The following RASGEF1C variants were observed in gnomAD, a reference collection of about 807,000 sequenced individuals.
RASGEF1C encodes the protein ras-GEF domain-containing family member 1C.
A neutral mutation model predicts 58.1 loss-of-function variants in RASGEF1C; 27 were observed. The observed-to-expected ratio is 0.46, with a 90% CI of 0.34 to 0.64. RASGEF1C has a LOEUF of 0.64. Ranked by LOEUF, RASGEF1C falls within the 30% of genes least tolerant of loss-of-function variation. The probability of loss-of-function intolerance (pLI) is 0.01; values close to 1 mark genes in which losing one functional copy is unlikely to be tolerated. For missense variants in RASGEF1C, 502 were observed against 605.1 expected (o/e 0.83, Z 1.79); for synonymous variants, 243 against 246.3 (o/e 0.99, Z 0.13).
intron 4 of RASGEF1C, among the ~76,000 whole-genome samples, chr5:180,129,953 G>A (rs1288262801): frequency 6.6e-6 from 1 of 152,228 alleles, no homozygotes; most frequent in African/African-American, 2.4e-5. Flanking sequence ...CCTGAGGGGT[G>A]GCCACGGCCT....
chr5:180,174,554 GTC>G (rs1338780724), intron 1 of RASGEF1C, among the ~76,000 whole-genome samples: 5 of 151,020 alleles, frequency 3.3e-5, no homozygotes, highest in Non-Finnish European at 5.9e-5. Context: ...GTGTGCGTGT[GTC>G]TGTGTGTGCA....
intron 6 of RASGEF1C, among the ~76,000 whole-genome samples, chr5:180,123,197 A>G (rs146126241): frequency 6.6e-5 from 10 of 152,388 alleles, no homozygotes; most frequent in African/African-American, 2.4e-4. Context: ...ACTTGATTGC[A>G]GCTAGTAACA....
Position 180,177,279 on chromosome 5 carries a change from C to T in RASGEF1C, c.-7+31749G>A, listed in dbSNP as rs1356660674. 6.6e-6 allele frequency among the ~76,000 whole-genome samples: 1 copy of T among 152,218 alleles called. No individual in the cohort carries two copies. Among genetic ancestry groups the T allele is most frequent in the Non-Finnish European group, 1.5e-5 (1 of 68,034 alleles). On this transcript the variant is annotated intron_variant, in intron 1 of 13. Coordinates refer to ENST00000361132, the MANE Select transcript of RASGEF1C (RefSeq NM_175062.4). This position sits in a 1 kb window ranked among gnomAD's most constrained non-coding sequence, Gnocchi z 5.0. ...CCAGGGGCTGCTTTCCCTTTCCGGC[C>T]CCACCTCCCCACCCAGTGAAGGGGC...
chr5:180,175,707 T>C (rs1019976860), intron 1 of RASGEF1C, among the ~76,000 whole-genome samples: 4 of 152,208 alleles, frequency 2.6e-5, no homozygotes, highest in Non-Finnish European at 5.9e-5. Context: ...CCTTTAAAAA[T>C]GTATTCAAAG....
At chr5:180,166,897 C>G (rs1485372704) in intron 1 of RASGEF1C, among the ~76,000 whole-genome samples, 1 of 152,154 alleles carries the variant, frequency 6.6e-6, no homozygotes, top group Non-Finnish European at 1.5e-5. Flanking sequence ...TACTTCTGGC[C>G]TCTATGGCTT....
intron 12 of RASGEF1C, among the ~76,000 whole-genome samples, chr5:180,105,258 C>T (rs1382486684): frequency 6.6e-6 from 1 of 152,188 alleles, no homozygotes; most frequent in Non-Finnish European, 1.5e-5. Context: ...ATCTGAACTG[C>T]CTGCATCACT....
intron 1 of RASGEF1C, among the ~76,000 whole-genome samples, chr5:180,193,465 C>G (rs535981591): frequency 6.6e-6 from 1 of 152,234 alleles, no homozygotes; most frequent in South Asian, 2.1e-4. Flanking sequence ...TGCTACAGAT[C>G]TGATTCCCCT....
intron 1 of RASGEF1C, among the ~76,000 whole-genome samples, chr5:180,178,740 C>A (rs1478154255): frequency 6.6e-6 from 1 of 152,198 alleles, no homozygotes; most frequent in Admixed American, 6.5e-5. Context: ...ACGCAGCAGA[C>A]CACGGCGCAG....
intron 1 of RASGEF1C, among the ~76,000 whole-genome samples, chr5:180,184,313 G>A (rs1435816811): frequency 6.6e-6 from 1 of 152,214 alleles, no homozygotes; most frequent in Non-Finnish European, 1.5e-5. Flanking sequence ...AGTGGCTCAT[G>A]CCTGTAATCC....
intron 12 of RASGEF1C, among the ~76,000 whole-genome samples, chr5:180,110,903 C>T (rs920098755): frequency 3.9e-5 from 6 of 152,002 alleles, no homozygotes; most frequent in African/African-American, 1.5e-4. Flanking sequence ...GCAACCTCTG[C>T]CTCCCGGGTT....
At chr5:180,190,182 C>A (rs1013788370) in intron 1 of RASGEF1C, among the ~76,000 whole-genome samples, 1 of 151,790 alleles carries the variant, frequency 6.6e-6, no homozygotes, top group Non-Finnish European at 1.5e-5. Context: ...CAGTGAGAAT[C>A]TGTCTCTACA....
intron 1 of RASGEF1C, among the ~76,000 whole-genome samples, chr5:180,175,594 C>T (rs1333201681): frequency 6.6e-6 from 1 of 152,240 alleles, no homozygotes; most frequent in African/African-American, 2.4e-5. Flanking sequence ...TGAGCAGTCC[C>T]TGTGTTGTTC....
intron 1 of RASGEF1C, among the ~76,000 whole-genome samples, chr5:180,165,750 C>CTT (rs372734323): frequency 0.2 from 21,701 of 107,208 alleles, 3,172 homozygotes; most frequent in Non-Finnish European, 0.23. Context: ...TTAATTTTTC[C>CTT]TTTTTTTTTT....
At chr5:180,103,284 A>T (rs981740406) in intron 12 of RASGEF1C, among the ~76,000 whole-genome samples, 1 of 152,128 alleles carries the variant, frequency 6.6e-6, no homozygotes, top group Non-Finnish European at 1.5e-5. Context: ...TCACCGTGTT[A>T]GCCAGGATGG....
At chr5:180,172,694 C>T (rs1767131023) in intron 1 of RASGEF1C, among the ~76,000 whole-genome samples, 1 of 152,118 alleles carries the variant, frequency 6.6e-6, no homozygotes, top group Non-Finnish European at 1.5e-5. Context: ...TTCTCTCACG[C>T]CCAGCTCCCC....
At chr5:180,105,596 G>A (rs1190699298) in intron 12 of RASGEF1C, among the ~76,000 whole-genome samples, 2 of 150,614 alleles carry the variant, frequency 1.3e-5, no homozygotes, top group South Asian at 2.1e-4. Context: ...GGCTGGGCGC[G>A]GTGGCTCACA....
intron 1 of RASGEF1C, among the ~76,000 whole-genome samples, chr5:180,183,562 C>T (rs768059060): frequency 2.0e-5 from 3 of 152,026 alleles, no homozygotes; most frequent in Non-Finnish European, 2.9e-5. Context: ...TGGTGGCTTA[C>T]ACCTGTAATC....
At chr5:180,202,340 C>T (rs910834394) in intron 1 of RASGEF1C, among the ~76,000 whole-genome samples, 1 of 152,070 alleles carries the variant, frequency 6.6e-6, no homozygotes, top group Non-Finnish European at 1.5e-5. Flanking sequence ...TAATATTTAA[C>T]ACTATAATCT....
chr5:180,105,950 C>A (rs147724205), intron 12 of RASGEF1C, among the ~76,000 whole-genome samples: 461 of 152,212 alleles, frequency 3.0e-3, no homozygotes, highest in Non-Finnish European at 5.1e-3. Context: ...GAGGTGGCCA[C>A]TAAGTGACTG....
Sources: allele counts gnomAD v4.1 joint callset (sites outside exome capture counted in the v4.1 genomes callset), GRCh38; gene constraint gnomAD v4.1.1; non-coding constraint Gnocchi (gnomAD v3.1); transcripts MANE v1.5; gene names NCBI Gene and HGNC (gene_info 2026-07-23, HGNC 2026-07-21).